Variants in NEBL observed in about 807,000 individuals in gnomAD.
The protein encoded by NEBL is nebulette.
NEBL carries 122 observed loss-of-function variants against 140.2 expected under a neutral mutation model. The ratio of observed to expected loss-of-function variants is 0.87; its 90% CI spans 0.75 to 1.01. NEBL has a LOEUF of 1.01. Among genes scored for constraint, NEBL ranks in the 50% least tolerant of loss-of-function variants. The probability of loss-of-function intolerance (pLI) is 0.00; values close to 1 mark genes in which losing one functional copy is unlikely to be tolerated. For missense variants in NEBL, 1,365 were observed against 1,231.3 expected (o/e 1.11, Z -1.62); for synonymous variants, 436 against 398.9 (o/e 1.09, Z -1.11).
At chr10:20,842,171 C>G (rs745435325) in intron 12 of NEBL, among the ~76,000 whole-genome samples, 1 of 151,964 alleles carries the variant, frequency 6.6e-6, no homozygotes, top group African/African-American at 2.4e-5. Flanking sequence ...TTAAATTAGC[C>G]TGTCCTCTGC....
intron 3 of NEBL, among the ~76,000 whole-genome samples, chr10:21,221,327 A>C (rs1842063344): frequency 6.6e-6 from 1 of 152,204 alleles, no homozygotes; most frequent in South Asian, 2.1e-4. Context: ...TTTAAAAATA[A>C]AGAATAAAAA....
At chr10:20,832,209 A>G (rs187392346) in intron 14 of NEBL, among the ~76,000 whole-genome samples, 2 of 152,324 alleles carry the variant, frequency 1.3e-5, no homozygotes, top group Admixed American at 6.5e-5. Flanking sequence ...GCTGGACTCA[A>G]TAAATCATTA....
chr10:20,831,150 A>C, intron 16 of NEBL, 46 bp downstream of exon 16: 3 of 1,296,296 alleles, frequency 2.3e-6, no homozygotes, highest in Non-Finnish European at 3.4e-6. Context: ...ACATGGCAAC[A>C]TGACATTGGA....
intron 3 of NEBL, among the ~76,000 whole-genome samples, chr10:21,017,075 G>A (rs1231177410): frequency 1.3e-5 from 2 of 152,124 alleles, no homozygotes; most frequent in Non-Finnish European, 2.9e-5. Context: ...TGTGGACATC[G>A]AGGGCTCAGA....
At chr10:20,832,029 T>C (rs1564364742) in intron 14 of NEBL, among the ~76,000 whole-genome samples, 1 of 152,152 alleles carries the variant, frequency 6.6e-6, no homozygotes, top group African/African-American at 2.4e-5. Context: ...GACAACTCAA[T>C]GTTCCCACTC....
At chr10:21,281,320 GGGTTTTTTGTGTGTGTGTTTTTAGA>G (rs1454337179) in intron 1 of NEBL, among the ~76,000 whole-genome samples, 1 of 151,716 alleles carries the variant, frequency 6.6e-6, no homozygotes, top group Non-Finnish European at 1.5e-5. Context: ...TTTGGTTTTG[GGGTTTTTTGTGTGTGTGTTTTTAGA>G]GAGAAGGGAT....
At chr10:21,273,829 C>T (rs1842886432) in intron 1 of NEBL, among the ~76,000 whole-genome samples, 1 of 152,164 alleles carries the variant, frequency 6.6e-6, no homozygotes, top group African/African-American at 2.4e-5. Flanking sequence ...ATAATTTACC[C>T]TTGACCTTTC....
intron 2 of NEBL, chr10:21,125,766 G>T: frequency 1.5e-6 from 2 of 1,316,542 alleles, no homozygotes; most frequent in South Asian, 1.3e-5. Context: ...ACAGAACTCA[G>T]GCTCATTTAA....
At chr10:20,927,749 A>G (rs562937790) in intron 4 of NEBL, among the ~76,000 whole-genome samples, 4 of 152,304 alleles carry the variant, frequency 2.6e-5, no homozygotes, top group Admixed American at 6.5e-5. Flanking sequence ...GCCAGGGTTC[A>G]AATCCCAGTT....
At chr10:21,005,023 CCCA>C (rs1838074760) in intron 3 of NEBL, among the ~76,000 whole-genome samples, 1 of 152,188 alleles carries the variant, frequency 6.6e-6, no homozygotes, top group African/African-American at 2.4e-5. Context: ...CAAGACCTCA[CCCA>C]AACAAATTCT....
intron 3 of NEBL, among the ~76,000 whole-genome samples, chr10:21,181,496 C>G (rs1841387204): frequency 6.6e-6 from 1 of 152,072 alleles, no homozygotes; most frequent in African/African-American, 2.4e-5. Flanking sequence ...AACTGAACAA[C>G]CCACCTTCAA....
chr10:20,856,489 T>C (rs1843085994), intron 9 of NEBL, among the ~76,000 whole-genome samples: 1 of 152,174 alleles, frequency 6.6e-6, no homozygotes, highest in Non-Finnish European at 1.5e-5. Flanking sequence ...CAAATGCCAC[T>C]GCCATGATGA....
intron 2 of NEBL, among the ~76,000 whole-genome samples, chr10:21,109,609 G>A (rs569040299): frequency 3.3e-5 from 5 of 152,198 alleles, no homozygotes; most frequent in African/African-American, 1.2e-4. Flanking sequence ...GTAGAATTCG[G>A]CTGTGAATCC....
chr10:21,029,566 C>T (rs1589152302), intron 2 of NEBL: 5 of 1,600,224 alleles, frequency 3.1e-6, no homozygotes, highest in Non-Finnish European at 4.3e-6. Flanking sequence ...TGATAGAAAT[C>T]GGGATTCTGA....
At position 20,938,811 on chromosome 10, in the gene NEBL, T is replaced by C. The variant is rs4300308; in HGVS notation, c.357+22861A>G. ...CGAATGCACGAGCCTCAGTAGCCGA[T>C]GCGATCAACTGGAAGAAAGGATATC... On this transcript the variant is annotated intron_variant, in intron 4 of 6. Transcript: ENST00000417816. Among the ~76,000 whole-genome samples, 1,354 of 152,312 alleles carry C rather than the reference T, an allele frequency of 8.9e-3. 18 individuals carry two copies. The highest frequency in any genetic ancestry group is 0.031 in the African/African-American group (1,277 of 41,566).
At chr10:20,901,093 T>A (rs901747377), upstream of NEBL, among the ~76,000 whole-genome samples, 2 of 151,936 alleles carry the variant, frequency 1.3e-5, no homozygotes, top group African/African-American at 4.8e-5. Context: ...CAACCACCAA[T>A]AAAGGTACAC....
intron 26 of NEBL, among the ~76,000 whole-genome samples, chr10:20,801,711 A>T (rs1837138572): frequency 6.6e-6 from 1 of 152,142 alleles, no homozygotes; most frequent in Admixed American, 6.5e-5. Context: ...CCAGTAAAAC[A>T]CCAGGGCAAT....
intron 4 of NEBL, among the ~76,000 whole-genome samples, chr10:20,923,330 G>T (rs955611153): frequency 2.0e-5 from 3 of 151,994 alleles, no homozygotes; most frequent in Non-Finnish European, 4.4e-5. Context: ...AGCCTCCCAA[G>T]TACTGGGATC....
intron 2 of NEBL, among the ~76,000 whole-genome samples, chr10:21,086,526 C>T (rs1023209857): frequency 6.6e-6 from 1 of 152,140 alleles, no homozygotes; most frequent in Admixed American, 6.5e-5. Flanking sequence ...ACCTGTAATC[C>T]CAGCACTTTG....
Sources: allele counts gnomAD v4.1 joint callset (sites outside exome capture counted in the v4.1 genomes callset), GRCh38; gene constraint gnomAD v4.1.1; transcripts MANE v1.5; gene names NCBI Gene and HGNC (gene_info 2026-07-23, HGNC 2026-07-21).